FBXW11: variants seen among roughly 807,000 people sequenced by gnomAD.
FBXW11 encodes the protein F-box/WD repeat-containing protein 11.
In FBXW11, 19 loss-of-function variants were observed where a neutral mutation model predicts 77.6. The ratio of observed to expected loss-of-function variants is 0.24; its 90% CI spans 0.17 to 0.36. The LOEUF (loss-of-function observed/expected upper bound fraction) is 0.36, where lower values mean the gene tolerates loss of function less well. Among genes scored for constraint, FBXW11 ranks in the 10% least tolerant of loss-of-function variants. The pLI, the probability that FBXW11 is intolerant of heterozygous loss-of-function variation, is 1.00. For missense variants in FBXW11, 334 were observed against 704.2 expected (o/e 0.47, Z 5.95); for synonymous variants, 235 against 249.4 (o/e 0.94, Z 0.54).
chr5:171,937,913 T>C (rs1762561248), intron 2 of FBXW11, among the ~76,000 whole-genome samples: 1 of 149,310 alleles, frequency 6.7e-6, no homozygotes, highest in African/African-American at 2.5e-5. Context: ...TTAACTACCA[T>C]AAACTAAACC....
intron 7 of FBXW11, 72 bp downstream of exon 7, chr5:171,891,395 A>G: frequency 7.2e-7 from 1 of 1,386,506 alleles, no homozygotes; most frequent in Non-Finnish European, 9.7e-7. Flanking sequence ...GTAAATGGAA[A>G]GATTGTCACA....
intron 1 of FBXW11, among the ~76,000 whole-genome samples, chr5:171,966,379 A>C (rs534410393): frequency 7.9e-5 from 12 of 152,054 alleles, no homozygotes; most frequent in Admixed American, 6.6e-4. Flanking sequence ...TACAACTACC[A>C]CCCATGATTC....
At chr5:171,920,798 C>T (rs1761550196) in intron 2 of FBXW11, among the ~76,000 whole-genome samples, 1 of 152,096 alleles carries the variant, frequency 6.6e-6, no homozygotes, top group Non-Finnish European at 1.5e-5. Flanking sequence ...AAGTAACTTT[C>T]CTTTTTATCT....
At chr5:171,994,585 G>C (rs1413511523) in intron 1 of FBXW11, among the ~76,000 whole-genome samples, 9 of 152,046 alleles carry the variant, frequency 5.9e-5, no homozygotes. Context: ...TTTTAGACAA[G>C]GGATACTCAA....
intron 1 of FBXW11, among the ~76,000 whole-genome samples, chr5:171,982,109 T>C (rs1244621283): frequency 1.3e-5 from 2 of 152,164 alleles, no homozygotes; most frequent in Non-Finnish European, 2.9e-5. Flanking sequence ...TGTGAGTATA[T>C]ATATTTCTCA....
At chr5:171,924,151 T>C (rs1198144643) in intron 2 of FBXW11, among the ~76,000 whole-genome samples, 1 of 151,908 alleles carries the variant, frequency 6.6e-6, no homozygotes, top group Non-Finnish European at 1.5e-5. Context: ...CTTGAACTCC[T>C]GACCTCGTGA....
At chr5:171,911,082 T>C (rs920817885) in intron 3 of FBXW11, among the ~76,000 whole-genome samples, 1 of 152,236 alleles carries the variant, frequency 6.6e-6, no homozygotes, top group Admixed American at 6.5e-5. Context: ...CAAAGGTATA[T>C]ACTGGGTATC....
At chr5:171,919,396 G>A (rs948901668) in intron 2 of FBXW11, among the ~76,000 whole-genome samples, 1 of 152,148 alleles carries the variant, frequency 6.6e-6, no homozygotes, top group Non-Finnish European at 1.5e-5. Flanking sequence ...TATCATGACA[G>A]ACTCCATCCC....
chr5:171,990,825 T>A (rs1765696648), intron 1 of FBXW11, among the ~76,000 whole-genome samples: 1 of 152,102 alleles, frequency 6.6e-6, no homozygotes, highest in South Asian at 2.1e-4. Context: ...TTTTTTTCGC[T>A]GGTTACTCCC....
At chr5:171,997,169 T>G (rs1300893478) in intron 1 of FBXW11, 8 of 800,262 alleles carry the variant, frequency 1.0e-5, no homozygotes, top group Non-Finnish European at 1.4e-5. Context: ...AGGAAAAAAG[T>G]TATAACCCCT....
chr5:171,874,338 T>G (rs1050632814), intron 9 of FBXW11, among the ~76,000 whole-genome samples: 2 of 152,106 alleles, frequency 1.3e-5, no homozygotes, highest in African/African-American at 4.8e-5. Context: ...CTAGGGCAGA[T>G]ATAATAAAAG....
intron 7 of FBXW11, among the ~76,000 whole-genome samples, chr5:171,882,970 A>G (rs1758623980): frequency 1.3e-5 from 2 of 150,086 alleles, no homozygotes; most frequent in Admixed American, 6.7e-5. Context: ...CCAAAGTCCA[A>G]TGCATCATTC....
chr5:171,987,393 C>T (rs189336650), intron 1 of FBXW11, among the ~76,000 whole-genome samples: 8 of 152,252 alleles, frequency 5.3e-5, no homozygotes, highest in Admixed American at 1.3e-4. Context: ...CCCAATACAT[C>T]CATGTTTACG....
chr5:171,968,746 C>T (rs555541314), intron 1 of FBXW11, among the ~76,000 whole-genome samples: 2 of 152,232 alleles, frequency 1.3e-5, no homozygotes, highest in African/African-American at 4.8e-5. Context: ...TGTCCCCACC[C>T]TCAGTTAATC....
intron 3 of FBXW11, 145 bp downstream of exon 3, chr5:171,914,198 A>G: frequency 3.0e-6 from 2 of 658,392 alleles, no homozygotes; most frequent in Non-Finnish European, 5.2e-6. Context: ...GAATGAAGAT[A>G]AATTAGGGTG....
intron 1 of FBXW11, among the ~76,000 whole-genome samples, chr5:171,958,981 T>G (rs1482584925): frequency 1.3e-5 from 2 of 151,702 alleles, no homozygotes; most frequent in African/African-American, 4.8e-5. Flanking sequence ...GTGGATAAAT[T>G]CTATTATCAC....
intron 2 of FBXW11, among the ~76,000 whole-genome samples, chr5:171,927,982 C>T (rs1761976527): frequency 6.6e-6 from 1 of 152,124 alleles, no homozygotes; most frequent in African/African-American, 2.4e-5. Context: ...ATTTCTTCAC[C>T]GATCAGCAAG....
At chr5:171,939,324 T>C (rs1335584587) in intron 2 of FBXW11, among the ~76,000 whole-genome samples, 1 of 152,252 alleles carries the variant, frequency 6.6e-6, no homozygotes, top group Non-Finnish European at 1.5e-5. Context: ...TCATACTTAA[T>C]GGAAGAGGGT....
chr5:171,867,754 C>T (rs1044961332), intron 13 of FBXW11: 6 of 152,030 alleles, frequency 3.9e-5, no homozygotes, highest in African/African-American at 1.5e-4. Flanking sequence ...GATAAAAGAC[C>T]ACTAAGAATT....
Sources: allele counts gnomAD v4.1 joint callset (sites outside exome capture counted in the v4.1 genomes callset), GRCh38; gene constraint gnomAD v4.1.1; transcripts MANE v1.5; gene names NCBI Gene and HGNC (gene_info 2026-07-23, HGNC 2026-07-21).